The following TRPV5 variants were observed in gnomAD, a reference collection of about 807,000 sequenced individuals.
TRPV5 encodes transient receptor potential cation channel subfamily V member 5, also known as calcium transport protein 2.
TRPV5 carries 66 observed loss-of-function variants against 74.1 expected under a neutral mutation model. The ratio of observed to expected loss-of-function variants is 0.89; its 90% CI spans 0.73 to 1.09. The LOEUF (loss-of-function observed/expected upper bound fraction) is 1.09. TRPV5 is among the 50% of genes least tolerant of loss of function. TRPV5 has a pLI of 0.00. For missense variants in TRPV5, 936 were observed against 930.4 expected, an observed-to-expected ratio of 1.01 and a Z score of -0.08; for synonymous variants, 399 against 360.7, an observed-to-expected ratio of 1.11 and a Z score of -1.20.
In TRPV5 at chr7:142,925,707, T is replaced by A; in HGVS notation, c.944A>T (p.Glu315Val). 6.2e-7 allele frequency: 1 copy of A among 1,614,156 alleles called. No homozygotes were observed. Reference sequence around the variant, plus strand: ...CTTGTTCCACTTGAAGCTCACCAGCTCCTTCACTGGGGTCTGTTCCAGAAT... The same window carrying A: ...CTTGTTCCACTTGAAGCTCACCAGCACCTTCACTGGGGTCTGTTCCAGAAT... ...RQILEQTPVK[E>V]LVSFKWNKYG... Residue 315 changes from glutamate (E) to valine (V), a missense_variant, in exon 8 of 15, where the codon GAG becomes GTG. Glu to Val is a moderately radical substitution (Grantham distance 121, BLOSUM62 -2). Transcript: ENST00000265310.
At chr7:142,919,083 C>G (rs1795843418) in intron 8 of TRPV5, among the ~76,000 whole-genome samples, 1 of 152,202 alleles carries the variant, frequency 6.6e-6, no homozygotes, top group Admixed American at 6.5e-5. Context: ...CTCACCCTCA[C>G]CGATGCCTCA....
At chr7:142,931,669 C>T (rs1473183175) in intron 1 of TRPV5, among the ~76,000 whole-genome samples, 1 of 152,146 alleles carries the variant, frequency 6.6e-6, no homozygotes, top group African/African-American at 2.4e-5. Flanking sequence ...TTCCAATAGC[C>T]CCAGGAGCCA....
intron 8 of TRPV5, among the ~76,000 whole-genome samples, chr7:142,923,394 G>A (rs970799712): frequency 6.6e-6 from 1 of 152,052 alleles, no homozygotes; most frequent in African/African-American, 2.4e-5. Flanking sequence ...ATAAGTTTAG[G>A]AGCCCCTGAT....
In TRPV5 at chr7:142,916,892, C is replaced by CTTTTTTT. The variant is rs1480768096; in HGVS notation, c.1123-1331_1123-1325dup. Among the ~76,000 whole-genome samples the CTTTTTTT allele has an allele frequency of 3.6e-5, 5 of 140,260 alleles. 2 individuals are homozygous for CTTTTTTT. Among genetic ancestry groups the CTTTTTTT allele is most frequent in the Non-Finnish European group, 7.7e-5 (5 of 64,984 alleles). 92.0% of individuals were successfully genotyped at this position (140,260 alleles called of 152,430 possible). On this transcript the variant is annotated intron_variant, in intron 8 of 14. Coordinates refer to ENST00000265310, the MANE Select transcript of TRPV5 (RefSeq NM_019841.7). ...ACCTGTGACCAGACATCAGTCAACA[C>CTTTTTTT]TTTTTTTTTTCTTTTTTGGCTTAAA...
At position 142,928,751 on chromosome 7, in the gene TRPV5, A is replaced by G. The variant is rs764163318; in HGVS notation, c.702T>C (p.Leu234=). 6 of 1,614,088 alleles carry G rather than the reference A, an allele frequency of 3.7e-6. No homozygotes were observed. Among genetic ancestry groups the G allele is most frequent in the African/African-American group, 2.7e-5 (2 of 74,938 alleles). ...GHGDHLQPLD[L]VPNHQGLTPF... ...GGGTGAGACCCTGGTGATTGGGCAC[A>G]AGGTCCAGGGGCTGCAGGTGGTCCC... Residue 234 remains leucine (L), a synonymous_variant, in exon 6 of 15, where the codon CTT becomes CTC. Transcript: ENST00000265310.
At chr7:142,921,376 C>T (rs559015956) in intron 8 of TRPV5, among the ~76,000 whole-genome samples, 5 of 152,224 alleles carry the variant, frequency 3.3e-5, no homozygotes, top group Admixed American at 1.3e-4. Flanking sequence ...CTGACTCCCA[C>T]GTTCAAGCGA....
chr7:142,910,535 G>A (rs776131727), intron 13 of TRPV5, among the ~76,000 whole-genome samples: 1 of 152,202 alleles, frequency 6.6e-6, no homozygotes, highest in Non-Finnish European at 1.5e-5. Flanking sequence ...ACAAAAGGGT[G>A]CAATCAGAAT....
Position 142,933,315 on chromosome 7 carries a change from C to T in TRPV5, c.128+17G>A, listed in dbSNP as rs1307958271. 2.5e-6 allele frequency: 4 copies of T among 1,611,506 alleles called. No individual in the cohort carries two copies. Among genetic ancestry groups the T allele is most frequent in the African/African-American group, 2.7e-5 (2 of 74,818 alleles). On this transcript the variant is annotated intron_variant, in intron 1 of 14. Transcript: ENST00000265310. Reference sequence around the variant, plus strand: ...GGATCACGGCGGTAGGGCCACGGATCGTTCTAGGAAGCCTACCTCTTCTGC... The same window carrying T: ...GGATCACGGCGGTAGGGCCACGGATTGTTCTAGGAAGCCTACCTCTTCTGC...
chr7:142,911,229 G>A (rs1220142477), intron 13 of TRPV5, among the ~76,000 whole-genome samples: 2 of 152,148 alleles, frequency 1.3e-5, no homozygotes, highest in Admixed American at 6.5e-5. Context: ...AAAGAGAGCC[G>A]AACAGAGGAA....
chr7:142,913,661 G>A (rs1425319151), intron 12 of TRPV5, among the ~76,000 whole-genome samples: 3 of 152,150 alleles, frequency 2.0e-5, no homozygotes, highest in Non-Finnish European at 4.4e-5. Flanking sequence ...ATTTTGGTGG[G>A]GGTTTTGTTG....
intron 1 of TRPV5, among the ~76,000 whole-genome samples, chr7:142,932,293 C>A (rs1490096801): frequency 6.6e-6 from 1 of 152,138 alleles, no homozygotes; most frequent in Non-Finnish European, 1.5e-5. Flanking sequence ...TGGAAGCTCA[C>A]TTTCTCAGAG....
Position 142,924,309 on chromosome 7 carries a change from TATACACAC to T in TRPV5, c.1122+1212_1122+1219del, listed in dbSNP as rs1795939801. On this transcript the variant is annotated intron_variant, in intron 8 of 14. Transcript: ENST00000265310. ...ATACATGTATATATATACATATATA[TATACACAC>T]ATATACATGTATATATATACATATA... 1.6e-3 allele frequency among the ~76,000 whole-genome samples: 44 copies of T among 27,842 alleles called. 7 individuals carry two copies. The highest frequency in any genetic ancestry group is 2.4e-3 in the Non-Finnish European group (29 of 12,320). 18.3% of individuals were successfully genotyped at this position (27,842 alleles called of 152,430 possible).
intron 8 of TRPV5, among the ~76,000 whole-genome samples, chr7:142,919,701 G>A (rs1795853160): frequency 6.6e-6 from 1 of 152,152 alleles, no homozygotes; most frequent in African/African-American, 2.4e-5. Flanking sequence ...CTGAGAATTG[G>A]CCTAATGAGA....
At chr7:142,912,355 C>G in intron 13 of TRPV5, 127 bp downstream of exon 13, 1 of 1,287,316 alleles carries the variant, frequency 7.8e-7, no homozygotes, top group Non-Finnish European at 1.1e-6. Flanking sequence ...ACACAAACCT[C>G]TTCTGAGGTG....
At position 142,912,698 on chromosome 7, in the gene TRPV5, A is replaced by G. The variant is rs1795721460; in HGVS notation, c.1572T>C (p.Tyr524=). Residue 524 remains tyrosine, a synonymous_variant, in exon 13 of 15, where the codon TAT becomes TAC. Transcript: ENST00000265310. ...TEDPTSLGQF[Y]DYPMALFTTF... is the part of the protein sequence containing the mutation. Reference sequence around the variant, plus strand: ...TGGTGAACAGTGCCATGGGGTAGTCATAGAATTGCCCCAGACTGGTTGGGT... The same window carrying G: ...TGGTGAACAGTGCCATGGGGTAGTCGTAGAATTGCCCCAGACTGGTTGGGT... 1 of 1,614,262 alleles carries G rather than the reference A, an allele frequency of 6.2e-7. No individual in the cohort carries two copies. The highest frequency in any genetic ancestry group is 8.5e-7 in the Non-Finnish European group (1 of 1,180,052).
At position 142,908,434 on chromosome 7, in the gene TRPV5, C is replaced by G; in HGVS notation, c.*80G>C. The G allele has an allele frequency of 6.7e-7, 1 of 1,499,078 alleles. No individual in the cohort carries two copies. 92.9% of individuals were successfully genotyped at this position (1,499,078 alleles called of 1,614,324 possible). ...GATTAACAGGCACAGAAGTTAGACA[C>G]TTGCATAGGCAGAGGTCTCCGTCTC... On this transcript the variant is annotated 3_prime_UTR_variant, in exon 15 of 15. Coordinates refer to ENST00000265310, the MANE Select transcript of TRPV5 (RefSeq NM_019841.7).
intron 8 of TRPV5, among the ~76,000 whole-genome samples, chr7:142,919,085 G>T (rs1448939348): frequency 2.6e-5 from 4 of 152,134 alleles, no homozygotes; most frequent in Admixed American, 2.6e-4. Context: ...CACCCTCACC[G>T]ATGCCTCAAG....
intron 7 of TRPV5, 86 bp downstream of exon 7, chr7:142,928,002 G>C: frequency 6.4e-7 from 1 of 1,551,136 alleles, no homozygotes; most frequent in Non-Finnish European, 8.8e-7. Context: ...AAGTGTCTCA[G>C]GCCCAGGATC....
At position 142,915,227 on chromosome 7, in the gene TRPV5, C is replaced by T. The variant is rs1795773766; in HGVS notation, c.1286+80G>A. ...CCTTGGAGTGAGAGTGACCTGAGGC[C>T]TAGAACTCAGAGAGTGAGCTGGAGA... is the stretch of plus-strand genomic sequence containing the variant. On this transcript the variant is annotated intron_variant, in intron 10 of 14. Transcript: ENST00000265310. 4 of 1,571,280 alleles carry T rather than the reference C, an allele frequency of 2.5e-6. No individual in the cohort carries two copies. The East Asian group carries it at 8.9e-5, about 35-fold the overall frequency.
Sources: gnomAD v4.1 joint callset for allele counts (sites outside exome capture counted in the v4.1 genomes callset) on GRCh38, gnomAD v4.1.1 for gene constraint, MANE v1.5 for transcripts, NCBI Gene and HGNC (gene_info 2026-07-23, HGNC 2026-07-21) for gene names.